The following RBFOX1 variants were observed in gnomAD, a reference collection of about 807,000 sequenced individuals.
The protein encoded by RBFOX1 is RNA binding fox-1 homolog 1.
A neutral mutation model predicts 57.7 loss-of-function variants in RBFOX1; 8 were observed. The observed-to-expected ratio is 0.14, with a 90% CI of 0.08 to 0.25. The LOEUF (loss-of-function observed/expected upper bound fraction) is 0.25, where lower values mean the gene tolerates loss of function less well. Among genes scored for constraint, RBFOX1 ranks in the 10% least tolerant of loss-of-function variants. The pLI, the probability that RBFOX1 is intolerant of heterozygous loss-of-function variation, is 1.00. For missense variants in RBFOX1, 611 were observed against 548.5 expected, an observed-to-expected ratio of 1.11 and a Z score of -1.14; for synonymous variants, 326 against 222.4, an observed-to-expected ratio of 1.47 and a Z score of -4.15.
intron 3 of RBFOX1, among the ~76,000 whole-genome samples, chr16:5,760,661 G>T (rs948117889): frequency 6.6e-6 from 1 of 152,152 alleles, no homozygotes; most frequent in Non-Finnish European, 1.5e-5. Context: ...GCCACATCTT[G>T]TACAATTCAA....
intron 4 of RBFOX1, among the ~76,000 whole-genome samples, chr16:7,202,664 G>A (rs2088882596): frequency 6.6e-6 from 1 of 152,172 alleles, no homozygotes; most frequent in Non-Finnish European, 1.5e-5. Flanking sequence ...AGCAGCCACG[G>A]CATTAGGTTC....
intron 2 of RBFOX1, among the ~76,000 whole-genome samples, chr16:6,361,116 A>T (rs967398763): frequency 6.6e-6 from 1 of 152,132 alleles, no homozygotes; most frequent in Non-Finnish European, 1.5e-5. Flanking sequence ...CATACATTAC[A>T]AATATGTAAT....
chr16:6,211,089 C>A (rs1006796224), intron 1 of RBFOX1, among the ~76,000 whole-genome samples: 4 of 150,828 alleles, frequency 2.7e-5, no homozygotes, highest in Non-Finnish European at 5.9e-5. Flanking sequence ...CAAGAAAGAT[C>A]TTAGACCCTT....
chr16:6,707,625 C>T (rs148847591), intron 3 of RBFOX1, among the ~76,000 whole-genome samples: 5 of 152,114 alleles, frequency 3.3e-5, no homozygotes, highest in Non-Finnish European at 7.4e-5. Flanking sequence ...GCTGGATCTC[C>T]TTGGATGAAC....
intron 2 of RBFOX1, chr16:6,577,125 C>T (rs2097451753): frequency 6.6e-6 from 1 of 152,166 alleles, no homozygotes; most frequent in Non-Finnish European, 1.5e-5. Context: ...TTGGATGCTA[C>T]ATGTTAAAAA....
intron 1 of RBFOX1, among the ~76,000 whole-genome samples, chr16:6,280,724 C>T (rs141861882): frequency 1.6e-4 from 25 of 152,136 alleles, no homozygotes; most frequent in Non-Finnish European, 2.8e-4. Context: ...GGAAACATCA[C>T]GGTTTATGTG....
At chr16:7,492,535 A>G (rs975080442) in intron 4 of RBFOX1, among the ~76,000 whole-genome samples, 1 of 152,152 alleles carries the variant, frequency 6.6e-6, no homozygotes, top group African/African-American at 2.4e-5. Flanking sequence ...TTAAAACGAC[A>G]CTAAATAAAA....
chr16:6,345,000 C>G (rs946597088), intron 2 of RBFOX1, among the ~76,000 whole-genome samples: 1 of 152,064 alleles, frequency 6.6e-6, no homozygotes, highest in African/African-American at 2.4e-5. Flanking sequence ...TCAAGTCTGT[C>G]ATTTGTAAAA....
intron 1 of RBFOX1, among the ~76,000 whole-genome samples, chr16:5,413,939 G>A (rs757465291): frequency 3.3e-5 from 5 of 152,128 alleles, no homozygotes; most frequent in Non-Finnish European, 5.9e-5. Flanking sequence ...GGCGCCTTAC[G>A]GAATCAAATC....
At chr16:7,132,281 A>G (rs1464524504) in intron 4 of RBFOX1, among the ~76,000 whole-genome samples, 2 of 152,046 alleles carry the variant, frequency 1.3e-5, no homozygotes, top group African/African-American at 4.8e-5. Context: ...CTGTCCGGCC[A>G]GAGTCCAAGT....
chr16:6,849,330 A>T (rs1342476226), intron 3 of RBFOX1, among the ~76,000 whole-genome samples: 1 of 152,206 alleles, frequency 6.6e-6, no homozygotes, highest in East Asian at 1.9e-4. Context: ...AGAGAAATAG[A>T]TTATGACAAA....
At chr16:6,844,480 A>G (rs992350260) in intron 3 of RBFOX1, among the ~76,000 whole-genome samples, 1 of 152,036 alleles carries the variant, frequency 6.6e-6, no homozygotes, top group African/African-American at 2.4e-5. Flanking sequence ...GTTATCTTCC[A>G]ACTCCATCTA....
At chr16:6,232,134 C>T (rs768687596) in intron 1 of RBFOX1, among the ~76,000 whole-genome samples, 5 of 152,082 alleles carry the variant, frequency 3.3e-5, no homozygotes, top group Non-Finnish European at 5.9e-5. Context: ...GTATTGAATG[C>T]CTAAGTGCTC....
chr16:5,706,444 C>T (rs1218968463), intron 3 of RBFOX1, among the ~76,000 whole-genome samples: 1 of 152,128 alleles, frequency 6.6e-6, no homozygotes, highest in African/African-American at 2.4e-5. Flanking sequence ...TTCCCTGGTG[C>T]TCCCCCGTCA....
upstream of RBFOX1, chr16:6,018,971 G>T: frequency 4.0e-6 from 2 of 503,766 alleles, no homozygotes; most frequent in South Asian, 8.5e-5. Context: ...GCGTGACCGC[G>T]GCGGCGGCGG....
At chr16:6,186,404 C>T (rs1172102765) in intron 1 of RBFOX1, among the ~76,000 whole-genome samples, 1 of 152,016 alleles carries the variant, frequency 6.6e-6, no homozygotes, top group Non-Finnish European at 1.5e-5. Context: ...ATGTTCCATG[C>T]CGAGGTGTGA....
chr16:7,615,310 G>A (rs571029141), intron 10 of RBFOX1, among the ~76,000 whole-genome samples: 2 of 149,480 alleles, frequency 1.3e-5, no homozygotes, highest in African/African-American at 5.1e-5. Context: ...TCCAGCCTGG[G>A]CAATAGAGCA....
chr16:5,348,552 C>T (rs1400891434), intron 1 of RBFOX1, among the ~76,000 whole-genome samples: 3 of 152,144 alleles, frequency 2.0e-5, no homozygotes, highest in South Asian at 2.1e-4. Context: ...TGGGTTCAAA[C>T]CTAGGTTGGC....
chr16:7,186,002 T>C (rs879256606), intron 4 of RBFOX1, among the ~76,000 whole-genome samples: 1 of 152,150 alleles, frequency 6.6e-6, no homozygotes, highest in African/African-American at 2.4e-5. Flanking sequence ...CACTTTAGTA[T>C]AGATCAAAGG....
Sources: allele counts gnomAD v4.1 joint callset (sites outside exome capture counted in the v4.1 genomes callset), GRCh38; gene constraint gnomAD v4.1.1; transcripts MANE v1.5; gene names NCBI Gene and HGNC (gene_info 2026-07-23, HGNC 2026-07-21).